The following DYNLRB2 variants were observed in gnomAD, a reference collection of about 807,000 sequenced individuals.
DYNLRB2 encodes bithoraxoid-like protein.
DYNLRB2 carries 14 observed loss-of-function variants against 12.6 expected under a neutral mutation model. That is an observed-to-expected ratio of 1.11 (90% CI 0.73 to 1.73). DYNLRB2 has a LOEUF of 1.73. Ranked by LOEUF, DYNLRB2 falls within the 40% of genes most tolerant of loss-of-function variation. DYNLRB2 has a pLI of 0.00. For missense variants in DYNLRB2, 142 were observed against 117.7 expected, an observed-to-expected ratio of 1.21 and a Z score of -0.95; for synonymous variants, 53 against 37.0, an observed-to-expected ratio of 1.43 and a Z score of -1.57.
chr16:80,543,082 TC>T (rs1904303696), intron 1 of DYNLRB2, among the ~76,000 whole-genome samples, 193 bp from the exon 2 acceptor site: 1 of 152,228 alleles, frequency 6.6e-6, no homozygotes. Flanking sequence ...CAGGATTGTA[TC>T]CAGGAGGTCT....
intron 2 of DYNLRB2, among the ~76,000 whole-genome samples, chr16:80,548,362 G>C (rs988250276): frequency 1.3e-5 from 2 of 152,146 alleles, no homozygotes; most frequent in African/African-American, 4.8e-5. Flanking sequence ...CAACTGAATT[G>C]AATTACACTT....
chr16:80,540,737 G>C (rs1309888645), upstream of DYNLRB2: 8 of 702,540 alleles, frequency 1.1e-5, no homozygotes, highest in East Asian at 2.1e-4. Flanking sequence ...CGAATAAGTG[G>C]TTATCACATT....
chr16:80,548,220 G>A (rs1904602414), intron 2 of DYNLRB2: 1 of 167,414 alleles, frequency 6.0e-6, no homozygotes, highest in Non-Finnish European at 1.3e-5. Flanking sequence ...CAAATCCCTG[G>A]CTATCTAGTA....
At chr16:80,550,414 C>A in intron 3 of DYNLRB2, 101 bp from the exon 4 acceptor site, 2 of 1,396,988 alleles carry the variant, frequency 1.4e-6, no homozygotes, top group East Asian at 2.3e-5. Context: ...TCTGTCTGCA[C>A]AAGGTCCCTG....
chr16:80,543,233 C>T, intron 1 of DYNLRB2, 43 bp from the exon 2 acceptor site: 2 of 1,600,020 alleles, frequency 1.2e-6, no homozygotes, highest in South Asian at 2.2e-5. Flanking sequence ...GTTGAAGTTA[C>T]CACAGGGCCC....
chr16:80,550,424 G>A (rs758831191), intron 3 of DYNLRB2, 91 bp from the exon 4 acceptor site: 3 of 1,468,384 alleles, frequency 2.0e-6, no homozygotes, highest in African/African-American at 1.4e-5. Flanking sequence ...CAAGGTCCCT[G>A]TGATGTTTTG....
At chr16:80,544,844 C>T (rs923154637) in intron 2 of DYNLRB2, 7 of 152,314 alleles carry the variant, frequency 4.6e-5, no homozygotes, top group Admixed American at 1.3e-4. Context: ...CACATCACTC[C>T]GATCTCTGCC....
intron 2 of DYNLRB2, among the ~76,000 whole-genome samples, chr16:80,545,666 C>CTGTTTTTTTT (rs1904410157): frequency 1.3e-5 from 1 of 74,886 alleles, no homozygotes; most frequent in Non-Finnish European, 2.5e-5. Flanking sequence ...CCATTAGCTT[C>CTGTTTTTTTT]TTTTTTTTTT....
chr16:80,547,683 A>C (rs6564763), intron 2 of DYNLRB2: 311,081 of 450,404 alleles, frequency 0.69, 112,638 homozygotes, highest in East Asian at 0.83. Context: ...TTAGGATGCA[A>C]AATAAAACTG....
At chr16:80,541,935 A>G (rs922914303) in intron 1 of DYNLRB2, among the ~76,000 whole-genome samples, 4 of 152,322 alleles carry the variant, frequency 2.6e-5, no homozygotes, top group Admixed American at 2.6e-4. Context: ...GCTACATAAG[A>G]TGGCCGAGAA....
rs1318272761 is a variant in DYNLRB2, at chr16:80,550,714, GATTAT to G, written c.*160_*164del. Reference sequence around the variant, plus strand: ...CTGCATGTCTCATTTAGTCCCTTTTGATTATATTGTGAAGTTGTACTTTAGTGATA... The same window carrying G: ...CTGCATGTCTCATTTAGTCCCTTTTGATTGTGAAGTTGTACTTTAGTGATA... On this transcript the variant is annotated 3_prime_UTR_variant, in exon 4 of 4. Coordinates refer to ENST00000305904, the MANE Select transcript of DYNLRB2 (RefSeq NM_130897.3). The G allele has an allele frequency of 1.2e-5, 9 of 776,050 alleles. No individual in the cohort carries two copies. The highest frequency in any genetic ancestry group is 1.7e-5 in the Non-Finnish European group (8 of 477,524). The allele number at this position is 776,050 out of a possible 1,614,324, so 48.1% of individuals were successfully genotyped here.
chr16:80,550,602 C>T lies in DYNLRB2; in HGVS notation c.*44C>T. On this transcript the variant is annotated 3_prime_UTR_variant, in exon 4 of 4. Transcript: ENST00000305904. Reference sequence around the variant, plus strand: ...TGTTTAAGCGACACTGGGTTGGAAACACTTGGCTCTCTCATGAGTATTAAA... The same window carrying T: ...TGTTTAAGCGACACTGGGTTGGAAATACTTGGCTCTCTCATGAGTATTAAA... 7 of 1,605,520 alleles carry T rather than the reference C, an allele frequency of 4.4e-6. No individual in the cohort carries two copies. Among genetic ancestry groups the T allele is most frequent in the Non-Finnish European group, 6.0e-6 (7 of 1,172,352 alleles).
In DYNLRB2 at chr16:80,541,893, G is replaced by C. The variant is rs13335221; in HGVS notation, c.3+814G>C. Among the ~76,000 whole-genome samples, 1,001 of 152,318 alleles carry C rather than the reference G, an allele frequency of 6.6e-3. 13 individuals carry two copies. Among genetic ancestry groups the C allele is most frequent in the African/African-American group, 0.023 (963 of 41,578 alleles). On this transcript the variant is annotated intron_variant, in intron 1 of 3. Coordinates refer to ENST00000305904, the MANE Select transcript of DYNLRB2 (RefSeq NM_130897.3). Reference sequence around the variant, plus strand: ...TGTTCAACGCTTACGGTTTAGTGTAGTGTTTCTCAAAGTCAGATGCAAACA... The same window carrying C: ...TGTTCAACGCTTACGGTTTAGTGTACTGTTTCTCAAAGTCAGATGCAAACA...
At chr16:80,547,797 C>T (rs1176176839) in intron 2 of DYNLRB2, 2 of 456,560 alleles carry the variant, frequency 4.4e-6, no homozygotes, top group Non-Finnish European at 8.8e-6. Context: ...AGACAGCTGA[C>T]TGCCTTCCAG....
chr16:80,543,090 G>A (rs896099677), intron 1 of DYNLRB2, among the ~76,000 whole-genome samples, 186 bp from the exon 2 acceptor site: 3 of 152,222 alleles, frequency 2.0e-5, no homozygotes, highest in African/African-American at 7.2e-5. Flanking sequence ...TATCCAGGAG[G>A]TCTTACGTAG....
At chr16:80,546,794 G>C (rs1191109623) in intron 2 of DYNLRB2, among the ~76,000 whole-genome samples, 1 of 152,158 alleles carries the variant, frequency 6.6e-6, no homozygotes, top group Non-Finnish European at 1.5e-5. Context: ...AGTTTCATTA[G>C]ATTGTAACAG....
chr16:80,548,726 CAAA>C (rs5818303), intron 2 of DYNLRB2, among the ~76,000 whole-genome samples: 9 of 128,318 alleles, frequency 7.0e-5, no homozygotes, highest in South Asian at 2.3e-4. Context: ...GACTCCGTCT[CAAA>C]AAAAAAAAAA....
Position 80,543,353 on chromosome 16 carries a change from T to G in DYNLRB2, c.79+2T>G. On this transcript the variant is annotated splice_donor_variant, in intron 2 of 3. Transcript: ENST00000305904. LOFTEE classifies it high-confidence loss of function. ...GAACTATGGTTGTAAATGCAGAAGGTAAATATATCACAGGCTGTCTTCTTG... is the reference window on the plus strand; with the variant it reads ...GAACTATGGTTGTAAATGCAGAAGGGAAATATATCACAGGCTGTCTTCTTG... 1 of 1,613,882 alleles carries G rather than the reference T, an allele frequency of 6.2e-7. No individual in the cohort carries two copies. The highest frequency in any genetic ancestry group is 8.5e-7 in the Non-Finnish European group (1 of 1,179,828).
chr16:80,548,826 C>A (rs1904648421), intron 2 of DYNLRB2: 3 of 414,384 alleles, frequency 7.2e-6, no homozygotes, highest in Non-Finnish European at 9.9e-6. Context: ...ACTACAATAT[C>A]CTTATTACCA....
Sources: gnomAD v4.1 joint callset for allele counts (sites outside exome capture counted in the v4.1 genomes callset) on GRCh38, gnomAD v4.1.1 for gene constraint, MANE v1.5 for transcripts, NCBI Gene and HGNC (gene_info 2026-07-23, HGNC 2026-07-21) for gene names.